Variants in TMPRSS11A observed in about 807,000 individuals in gnomAD.
TMPRSS11A encodes transmembrane protease serine 11A.
A neutral mutation model predicts 58.9 loss-of-function variants in TMPRSS11A; 53 were observed. The ratio of observed to expected loss-of-function variants is 0.90; its 90% CI spans 0.72 to 1.13. The LOEUF (loss-of-function observed/expected upper bound fraction) is 1.13, where lower values mean the gene tolerates loss of function less well. Among genes scored for constraint, TMPRSS11A ranks in the 50% most tolerant of loss-of-function variants. TMPRSS11A has a pLI of 0.00. For synonymous variants in TMPRSS11A, 167 were observed against 169.8 expected (o/e 0.98, Z 0.13); for missense variants, 493 against 499.3 (o/e 0.99, Z 0.12).
rs1720403004 is a variant in TMPRSS11A at position 67,924,160 on chromosome 4, C to CTTTT, written c.487_488insAAAA (p.Ser163LysfsTer16). On this transcript the variant is annotated frameshift_variant, in exon 6 of 10. Transcript: ENST00000508048. LOFTEE classifies it high-confidence loss of function. ...GACAGTTAACTCCCCTGTTGATGAG[C>CTTTT]TCATTGCTGAAAAAGAAGATAAAAC... 6.2e-7 allele frequency: 1 copy of CTTTT among 1,613,320 alleles called. No individual in the cohort carries two copies. Among genetic ancestry groups the CTTTT allele is most frequent in the Admixed American group, 1.7e-5 (1 of 60,002 alleles).
intron 9 of TMPRSS11A, 72 bp downstream of exon 9, chr4:67,914,516 A>G: frequency 7.0e-7 from 1 of 1,421,216 alleles, no homozygotes; most frequent in Non-Finnish European, 9.8e-7. Context: ...CCTTATGTAA[A>G]GAACATATAA....
chr4:67,915,754 AAGG>A (rs1284016390), intron 8 of TMPRSS11A, among the ~76,000 whole-genome samples: 2 of 152,156 alleles, frequency 1.3e-5, no homozygotes, highest in Non-Finnish European at 2.9e-5. Context: ...GAGACCTTCA[AAGG>A]AGCCACAGAT....
chr4:67,951,526 A>G (rs375571526), intron 1 of TMPRSS11A, among the ~76,000 whole-genome samples: 5 of 152,266 alleles, frequency 3.3e-5, no homozygotes, highest in African/African-American at 9.6e-5. Flanking sequence ...GGCCACTCCA[A>G]GATCAACCAC....
At chr4:67,930,765 A>AC (rs1553922574) in intron 4 of TMPRSS11A, among the ~76,000 whole-genome samples, 1 of 149,038 alleles carries the variant, frequency 6.7e-6, no homozygotes, top group Non-Finnish European at 1.5e-5. Context: ...AAAAAAAAAA[A>AC]CAAAAAACCT....
At chr4:67,949,731 C>G (rs1721113429) in intron 1 of TMPRSS11A, among the ~76,000 whole-genome samples, 1 of 152,024 alleles carries the variant, frequency 6.6e-6, no homozygotes, top group Non-Finnish European at 1.5e-5. Flanking sequence ...TGGTGGTGTA[C>G]ACCTGTAATT....
chr4:67,922,450 A>C (rs1267297675), intron 7 of TMPRSS11A, among the ~76,000 whole-genome samples: 1 of 152,226 alleles, frequency 6.6e-6, no homozygotes, highest in African/African-American at 2.4e-5. Flanking sequence ...CAAAAGATTA[A>C]TGGTACATGT....
At chr4:67,929,462 CA>C (rs1175028717) in intron 5 of TMPRSS11A, among the ~76,000 whole-genome samples, 6 of 152,098 alleles carry the variant, frequency 3.9e-5, no homozygotes, top group African/African-American at 1.4e-4. Context: ...AAAAAGCTAA[CA>C]AAAATTGTAT....
chr4:67,941,982 A>G (rs946640368), intron 3 of TMPRSS11A, among the ~76,000 whole-genome samples: 1 of 152,240 alleles, frequency 6.6e-6, no homozygotes, highest in Non-Finnish European at 1.5e-5. Context: ...CACACTATCA[A>G]TATCCAGAAA....
intron 4 of TMPRSS11A, among the ~76,000 whole-genome samples, chr4:67,930,829 T>TA (rs1553922588): frequency 2.0e-3 from 183 of 89,986 alleles, no homozygotes; most frequent in East Asian, 4.0e-3. Flanking sequence ...TTTTTTTTTT[T>TA]ACAAAAAAAA....
At chr4:67,933,449 A>G (rs1326536101) in intron 3 of TMPRSS11A, among the ~76,000 whole-genome samples, 1 of 152,230 alleles carries the variant, frequency 6.6e-6, no homozygotes, top group Non-Finnish European at 1.5e-5. Flanking sequence ...TTTCTTTTGT[A>G]GAACACATAG....
At chr4:67,950,135 G>A (rs896612025) in intron 1 of TMPRSS11A, among the ~76,000 whole-genome samples, 1 of 152,168 alleles carries the variant, frequency 6.6e-6, no homozygotes, top group African/African-American at 2.4e-5. Context: ...CTCTGTATGT[G>A]GCATGGATGG....
At chr4:67,917,649 G>A (rs183573474) in intron 8 of TMPRSS11A, among the ~76,000 whole-genome samples, 1 of 152,308 alleles carries the variant, frequency 6.6e-6, no homozygotes, top group East Asian at 1.9e-4. Context: ...GAGAGGCCGT[G>A]TTCAAGTAGG....
chr4:67,937,723 CCTTTTTTATGG>C (rs1362978588), intron 3 of TMPRSS11A, among the ~76,000 whole-genome samples: 1 of 152,050 alleles, frequency 6.6e-6, no homozygotes, highest in Non-Finnish European at 1.5e-5. Flanking sequence ...ATGATTTCAT[CCTTTTTTATGG>C]CTACATAGTA....
intron 8 of TMPRSS11A, 88 bp from the exon 9 acceptor site, chr4:67,914,818 T>C (rs1720105048): frequency 5.1e-6 from 6 of 1,179,068 alleles, no homozygotes; most frequent in Non-Finnish European, 4.8e-6. Flanking sequence ...ATTTTTTTCA[T>C]GGTAAAATTG....
chr4:67,935,826 G>A (rs891860215), intron 3 of TMPRSS11A, among the ~76,000 whole-genome samples: 6 of 152,068 alleles, frequency 3.9e-5, no homozygotes, highest in African/African-American at 1.2e-4. Context: ...ATGAATTATC[G>A]GAAGAGATTT....
At chr4:67,937,520 G>C (rs1323487613) in intron 3 of TMPRSS11A, among the ~76,000 whole-genome samples, 2 of 152,276 alleles carry the variant, frequency 1.3e-5, no homozygotes, top group South Asian at 4.1e-4. Context: ...TTCTGTCTTA[G>C]CTGAGTCCCT....
chr4:67,921,691 G>A (rs1348327329), intron 7 of TMPRSS11A, among the ~76,000 whole-genome samples: 1 of 152,206 alleles, frequency 6.6e-6, no homozygotes, highest in African/African-American at 2.4e-5. Context: ...ATTTATTATA[G>A]TAACAAAAGT....
intron 7 of TMPRSS11A, among the ~76,000 whole-genome samples, chr4:67,921,149 G>T (rs1162417760): frequency 6.6e-6 from 1 of 152,050 alleles, no homozygotes; most frequent in Non-Finnish European, 1.5e-5. Context: ...GGTGTTCAAT[G>T]CTATAAAGAT....
At chr4:67,941,494 C>T (rs906447072) in intron 3 of TMPRSS11A, among the ~76,000 whole-genome samples, 1 of 152,302 alleles carries the variant, frequency 6.6e-6, no homozygotes, top group Non-Finnish European at 1.5e-5. Context: ...TATATCATGT[C>T]ATGATATTCA....
Sources: allele counts gnomAD v4.1 joint callset (sites outside exome capture counted in the v4.1 genomes callset), GRCh38; gene constraint gnomAD v4.1.1; transcripts MANE v1.5; gene names NCBI Gene and HGNC (gene_info 2026-07-23, HGNC 2026-07-21).